Variants in CAST observed in about 807,000 individuals in gnomAD.
CAST encodes the protein calpastatin, also known as MIR583 host.
A neutral mutation model predicts 119.6 loss-of-function variants in CAST; 76 were observed. The observed-to-expected ratio is 0.64, with a 90% confidence interval of 0.53 to 0.77. The LOEUF (loss-of-function observed/expected upper bound fraction) is 0.77. CAST is among the 30% of genes least tolerant of loss of function. CAST has a pLI of 0.00. For synonymous variants in CAST, 319 were observed against 331.6 expected, an observed-to-expected ratio of 0.96 and a Z score of 0.41; for missense variants, 953 against 946.5, an observed-to-expected ratio of 1.01 and a Z score of -0.09.
chr5:96,581,630 C>T (rs1383258606), intron 1 of CAST, among the ~76,000 whole-genome samples: 1 of 152,152 alleles, frequency 6.6e-6, no homozygotes, highest in Non-Finnish European at 1.5e-5. Flanking sequence ...GTGGCTCACG[C>T]CTGTAATCCC....
At position 96,627,768 on chromosome 5, in the gene CAST, G is replaced by A. The variant is rs114275849; in HGVS notation, c.61-47771G>A. Among the ~76,000 whole-genome samples the A allele has an allele frequency of 2.8e-3, 431 of 152,290 alleles. 2 individuals carry two copies. Among genetic ancestry groups the A allele is most frequent in the African/African-American group, 8.8e-3 (367 of 41,556 alleles). ...AGGAGAGGAACCTAGATAGGTAATT[G>A]GTTCTTCACGTCCCTTGGAAACTAC... On this transcript the variant is annotated intron_variant, in intron 1 of 11. Transcript: ENST00000505143.
the CAST span, among the ~76,000 whole-genome samples, chr5:96,315,747 G>T: frequency 6.6e-6 from 1 of 152,180 alleles, no homozygotes; most frequent in Non-Finnish European, 1.5e-5. Flanking sequence ...AGTTTTCTGA[G>T]CCCAGGCCCT....
intron 3 of CAST, among the ~76,000 whole-genome samples, chr5:96,699,063 T>C (rs968888042): frequency 2.6e-5 from 4 of 152,238 alleles, no homozygotes; most frequent in African/African-American, 9.6e-5. Flanking sequence ...TGTAAATTTT[T>C]CTAATTCAAA....
the CAST span, among the ~76,000 whole-genome samples, chr5:96,203,052 TTG>T: frequency 3.5e-3 from 530 of 152,162 alleles, 2 homozygotes; most frequent in African/African-American, 0.012. Flanking sequence ...CTTAGCATCT[TTG>T]TGTGTGTCTT....
chr5:96,035,176 A>AAAT, the CAST span, among the ~76,000 whole-genome samples: 1 of 137,558 alleles, frequency 7.3e-6, no homozygotes, highest in African/African-American at 2.7e-5. Flanking sequence ...TATATTTTGA[A>AAAT]GTATATATAT....
chr5:96,166,962 G>C, the CAST span, among the ~76,000 whole-genome samples: 1 of 152,132 alleles, frequency 6.6e-6, no homozygotes, highest in Non-Finnish European at 1.5e-5. Flanking sequence ...TGGGAACCTA[G>C]AGTGGGAGAG....
chr5:96,154,497 C>T, the CAST span, among the ~76,000 whole-genome samples: 2,427 of 152,168 alleles, frequency 0.016, 52 homozygotes, highest in African/African-American at 0.055. Flanking sequence ...TACTATGGTA[C>T]ATTGGTCACA....
the CAST span, among the ~76,000 whole-genome samples, chr5:96,498,236 C>T: frequency 6.6e-6 from 1 of 152,174 alleles, no homozygotes; most frequent in Non-Finnish European, 1.5e-5. Flanking sequence ...TGTTTTGGTA[C>T]CAGTACCATG....
chr5:96,284,887 T>G, the CAST span, among the ~76,000 whole-genome samples: 2 of 152,216 alleles, frequency 1.3e-5, no homozygotes, highest in African/African-American at 4.8e-5. Context: ...GAAAATGAAC[T>G]GATTCTGACA....
At chr5:96,383,993 A>ATGGGGTC in the CAST span, among the ~76,000 whole-genome samples, 1 of 152,012 alleles carries the variant, frequency 6.6e-6, no homozygotes, top group Admixed American at 6.6e-5. Flanking sequence ...CCTGAGTTTT[A>ATGGGGTC]TGGGGTCTGA....
At chr5:96,483,887 T>C in the CAST span, among the ~76,000 whole-genome samples, 3 of 152,164 alleles carry the variant, frequency 2.0e-5, no homozygotes, top group Non-Finnish European at 4.4e-5. Flanking sequence ...GAGTCAAGAC[T>C]CACACCCTAA....
rs150404808 is a variant in CAST at position 96,582,960 on chromosome 5, G to C, written c.60+53080G>C. Among the ~76,000 whole-genome samples the C allele has an allele frequency of 3.2e-3, 490 of 152,066 alleles. 2 individuals are homozygous for C. The highest frequency in any genetic ancestry group is 0.01 in the Middle Eastern group (3 of 294). On this transcript the variant is annotated intron_variant, in intron 1 of 11. Coordinates refer to the CAST transcript ENST00000505143. ...ATTTCATGATTTGTGATTTCTTTTGGAAAAAGCAAATTATGCTAGAATTTT... is the reference window on the plus strand; with the variant it reads ...ATTTCATGATTTGTGATTTCTTTTGCAAAAAGCAAATTATGCTAGAATTTT...
chr5:96,645,234 G>T (rs1747999950), intron 1 of CAST, among the ~76,000 whole-genome samples: 1 of 152,062 alleles, frequency 6.6e-6, no homozygotes, highest in Admixed American at 6.5e-5. Context: ...TTTCTCATGA[G>T]TAGGCTGGAG....
chr5:95,978,704 A>T, the CAST span, among the ~76,000 whole-genome samples: 1 of 152,102 alleles, frequency 6.6e-6, no homozygotes, highest in South Asian at 2.1e-4. Context: ...GCAATTTTTC[A>T]ACTGAAACTA....
At chr5:96,757,216 G>A (rs908264224) in intron 22 of CAST, among the ~76,000 whole-genome samples, 11 of 152,176 alleles carry the variant, frequency 7.2e-5, no homozygotes, top group African/African-American at 2.7e-4. Flanking sequence ...ACCTCATCCA[G>A]TGTGCAGCCC....
chr5:96,292,852 C>A, the CAST span, among the ~76,000 whole-genome samples: 5,776 of 152,246 alleles, frequency 0.038, 399 homozygotes, highest in African/African-American at 0.13. Flanking sequence ...ATGACAGCAG[C>A]TATTCACTTA....
chr5:96,412,416 C>T, the CAST span: 1 of 1,613,900 alleles, frequency 6.2e-7, no homozygotes, highest in Non-Finnish European at 8.5e-7. Context: ...CTGTAAATAT[C>T]CACGTGTCCA....
At chr5:96,000,926 A>G in the CAST span, among the ~76,000 whole-genome samples, 4,041 of 152,302 alleles carry the variant, frequency 0.027, 173 homozygotes, top group African/African-American at 0.091. Context: ...CATACTTCAG[A>G]TTATATTTTA....
chr5:96,746,854 G>A (rs926914749), intron 17 of CAST, among the ~76,000 whole-genome samples: 1 of 152,118 alleles, frequency 6.6e-6, no homozygotes, highest in Non-Finnish European at 1.5e-5. Context: ...ATTATGGTGA[G>A]GATGGTAGAC....
Sources: allele counts gnomAD v4.1 joint callset (sites outside exome capture counted in the v4.1 genomes callset), GRCh38; gene constraint gnomAD v4.1.1; transcripts MANE v1.5; gene names NCBI Gene and HGNC (gene_info 2026-07-23, HGNC 2026-07-21).